Variants in JAM2 observed in about 807,000 individuals in gnomAD.
JAM2 encodes the protein junctional adhesion molecule B.
JAM2 carries 17 observed loss-of-function variants against 42.0 expected under a neutral mutation model. The ratio of observed to expected loss-of-function variants is 0.40; its 90% CI spans 0.28 to 0.61. The LOEUF is 0.61. Ranked by LOEUF, JAM2 falls within the 20% of genes least tolerant of loss-of-function variation. JAM2 has a pLI of 0.37. For synonymous variants in JAM2, 118 were observed against 128.6 expected, an observed-to-expected ratio of 0.92 and a Z score of 0.56; for missense variants, 319 against 358.3, an observed-to-expected ratio of 0.89 and a Z score of 0.89.
At chr21:25,684,052 TCTA>T in intron 2 of JAM2, 104 bp downstream of exon 2, 1 of 670,664 alleles carries the variant, frequency 1.5e-6, no homozygotes, top group South Asian at 2.6e-5. Flanking sequence ...TGCCTTACCT[TCTA>T]CTAATTCCTC....
chr21:25,672,836 G>A (rs1430426357), intron 1 of JAM2, among the ~76,000 whole-genome samples: 2 of 152,138 alleles, frequency 1.3e-5, no homozygotes. Flanking sequence ...AAGTGTTAGG[G>A]CCATCGTTTT....
At chr21:25,648,334 A>T (rs2032671665) in intron 1 of JAM2, among the ~76,000 whole-genome samples, 2 of 152,232 alleles carry the variant, frequency 1.3e-5, no homozygotes, top group African/African-American at 4.8e-5. Context: ...ACATGCAGCC[A>T]TCTATGTCAT....
chr21:25,654,330 C>T (rs2032866060), intron 1 of JAM2, among the ~76,000 whole-genome samples: 1 of 152,136 alleles, frequency 6.6e-6, no homozygotes, highest in African/African-American at 2.4e-5. Flanking sequence ...ACCTGAAACA[C>T]TGATTAATCT....
chr21:25,696,325 C>A (rs527245365), intron 4 of JAM2, among the ~76,000 whole-genome samples: 2 of 152,046 alleles, frequency 1.3e-5, no homozygotes, highest in African/African-American at 4.8e-5. Flanking sequence ...TGCAGTGAGC[C>A]GAGATGGCAG....
chr21:25,676,253 A>G (rs2033490068), intron 1 of JAM2, among the ~76,000 whole-genome samples: 1 of 139,654 alleles, frequency 7.2e-6, no homozygotes, highest in African/African-American at 2.7e-5. Flanking sequence ...ACGCCACTGC[A>G]CTCCAGCCTG....
intron 1 of JAM2, among the ~76,000 whole-genome samples, chr21:25,655,530 G>C (rs1366423779): frequency 6.0e-5 from 9 of 149,426 alleles, no homozygotes; most frequent in African/African-American, 2.0e-4. Context: ...ACACAGGCTG[G>C]AGTGCAGTGG....
chr21:25,641,876 A>C (rs2032454470), intron 1 of JAM2, among the ~76,000 whole-genome samples: 1 of 152,110 alleles, frequency 6.6e-6, no homozygotes, highest in Admixed American at 6.5e-5. Context: ...TTCTCTTACT[A>C]TAATGGGTTT....
intron 1 of JAM2, among the ~76,000 whole-genome samples, chr21:25,651,461 T>C (rs902884586): frequency 1.3e-5 from 2 of 152,190 alleles, no homozygotes; most frequent in Admixed American, 1.3e-4. Context: ...TGTATGGAAA[T>C]AGGCATTCTA....
intron 1 of JAM2, among the ~76,000 whole-genome samples, chr21:25,648,384 G>T (rs2032673060): frequency 6.6e-6 from 1 of 152,100 alleles, no homozygotes. Context: ...GGAGACATGA[G>T]ATTATTGTAC....
chr21:25,680,872 C>A (rs73161744), intron 1 of JAM2, among the ~76,000 whole-genome samples: 1 of 151,992 alleles, frequency 6.6e-6, no homozygotes, highest in East Asian at 1.9e-4. Context: ...GAATGAAGCA[C>A]CAGGATCAGA....
Position 25,639,698 on chromosome 21 carries a change from T to C in JAM2, c.-124T>C. 1.6e-6 allele frequency: 1 copy of C among 612,396 alleles called. No individual in the cohort carries two copies. Among genetic ancestry groups the C allele is most frequent in the Non-Finnish European group, 2.8e-6 (1 of 354,068 alleles). 37.9% of individuals were successfully genotyped at this position (612,396 alleles called of 1,614,324 possible). Reference sequence around the variant, plus strand: ...ACATCCCATCTAGAGCCGTCCCTCCTCTTCCTCCCCTCCCGACTCTCTGCT... The same window carrying C: ...ACATCCCATCTAGAGCCGTCCCTCCCCTTCCTCCCCTCCCGACTCTCTGCT... On this transcript the variant is annotated 5_prime_UTR_variant, in exon 1 of 10. Coordinates refer to ENST00000480456, the MANE Select transcript of JAM2 (RefSeq NM_021219.4).
intron 1 of JAM2, among the ~76,000 whole-genome samples, chr21:25,655,487 T>C (rs2123323441): frequency 6.7e-6 from 1 of 148,956 alleles, no homozygotes; most frequent in Admixed American, 6.7e-5. Flanking sequence ...TCAGCTCTTT[T>C]TTTTTTTTTT....
chr21:25,641,651 C>T (rs892427286), intron 1 of JAM2, among the ~76,000 whole-genome samples: 11 of 151,860 alleles, frequency 7.2e-5, no homozygotes, highest in African/African-American at 2.7e-4. Context: ...AATAAAAATT[C>T]CAACGCTAGT....
intron 4 of JAM2, among the ~76,000 whole-genome samples, chr21:25,694,717 G>C (rs569874639): frequency 3.0e-4 from 46 of 152,078 alleles, no homozygotes; most frequent in African/African-American, 1.1e-3. Context: ...TTATGCACCT[G>C]TAGTCTCAGC....
At chr21:25,709,472 C>T in intron 8 of JAM2, 23 bp downstream of exon 8, 1 of 1,432,244 alleles carries the variant, frequency 7.0e-7, no homozygotes, top group Admixed American at 1.7e-5. Flanking sequence ...TCCTACAATG[C>T]ATGTCTTTCT....
chr21:25,642,901 A>G (rs891719803), intron 1 of JAM2, among the ~76,000 whole-genome samples: 8 of 152,228 alleles, frequency 5.3e-5, no homozygotes, highest in African/African-American at 1.9e-4. Flanking sequence ...GAAGTTCACA[A>G]TCAAGATACC....
Position 25,714,809 on chromosome 21 carries a change from C to T in JAM2, c.*137C>T. On this transcript the variant is annotated 3_prime_UTR_variant, in exon 10 of 10. Transcript: ENST00000480456. Reference sequence around the variant, plus strand: ...TGGTATTTCATTTTAATTTTCATGACTACTAACTCACCTGAACTTGCTATT... The same window carrying T: ...TGGTATTTCATTTTAATTTTCATGATTACTAACTCACCTGAACTTGCTATT... 1.8e-6 allele frequency: 1 copy of T among 556,466 alleles called. No individual in the cohort carries two copies. Among genetic ancestry groups the T allele is most frequent in the East Asian group, 3.2e-5 (1 of 31,026 alleles). The allele number at this position is 556,466 out of a possible 1,614,324, so 34.5% of individuals were successfully genotyped here. A position where few individuals can be genotyped will look rare whatever the true frequency, so the allele number is the denominator to read the frequency against.
chr21:25,683,056 T>C (rs1330591695), intron 1 of JAM2, among the ~76,000 whole-genome samples: 1 of 152,128 alleles, frequency 6.6e-6, no homozygotes, highest in Non-Finnish European at 1.5e-5. Context: ...AAGGCAACTT[T>C]TGGGGCATGA....
chr21:25,670,732 GAA>G lies in JAM2; in HGVS notation c.68-13149_68-13148del, dbSNP rs567799909. On this transcript the variant is annotated intron_variant, in intron 1 of 9. Coordinates refer to ENST00000480456, the MANE Select transcript of JAM2 (RefSeq NM_021219.4). ...GAACTGTTTTTACCAAAAGAAAAGGGAAATTGTGGTTCCTGGATTTACAGGAC... is the reference window on the plus strand; with the variant it reads ...GAACTGTTTTTACCAAAAGAAAAGGGATTGTGGTTCCTGGATTTACAGGAC... Among the ~76,000 whole-genome samples the G allele has an allele frequency of 1.5e-4, 23 of 152,322 alleles. No individual in the cohort carries two copies. In the South Asian group the frequency reaches 4.8e-3, roughly 32 times the overall value.
Sources: gnomAD v4.1 joint callset for allele counts (sites outside exome capture counted in the v4.1 genomes callset) on GRCh38, gnomAD v4.1.1 for gene constraint, MANE v1.5 for transcripts, NCBI Gene and HGNC (gene_info 2026-07-23, HGNC 2026-07-21) for gene names.